RGS7BP: variants seen among roughly 807,000 people sequenced by gnomAD.
RGS7BP encodes the protein regulator of G protein signaling 7 binding protein.
RGS7BP carries 9 observed loss-of-function variants against 31.3 expected under a neutral mutation model. The observed-to-expected ratio is 0.29, with a 90% CI of 0.17 to 0.50. RGS7BP has a LOEUF of 0.50. RGS7BP is among the 20% of genes least tolerant of loss of function. The pLI, the probability that RGS7BP is intolerant of heterozygous loss-of-function variation, is 0.98. For missense variants in RGS7BP, 274 were observed against 322.0 expected (o/e 0.85, Z 1.14); for synonymous variants, 115 against 120.1 (o/e 0.96, Z 0.28).
chr5:64,574,379 G>A (rs1742369376), intron 2 of RGS7BP, among the ~76,000 whole-genome samples: 1 of 151,810 alleles, frequency 6.6e-6, no homozygotes, highest in Non-Finnish European at 1.5e-5. Context: ...GAGAGTGGAA[G>A]GCATCTATGG....
chr5:64,523,734 C>T (rs1461523278), intron 2 of RGS7BP, among the ~76,000 whole-genome samples: 1 of 152,082 alleles, frequency 6.6e-6, no homozygotes, highest in African/African-American at 2.4e-5. Context: ...TTAATGAAGA[C>T]CAAATCTTTT....
At chr5:64,542,618 G>A (rs570406317) in intron 2 of RGS7BP, among the ~76,000 whole-genome samples, 1 of 152,236 alleles carries the variant, frequency 6.6e-6, no homozygotes, top group South Asian at 2.1e-4. Context: ...CCCTGGTTGA[G>A]GTCAACCATT....
At position 64,547,057 on chromosome 5, in the gene RGS7BP, T is replaced by G. The variant is rs937155093; in HGVS notation, c.333-28717T>G. ...TCAGCATATCTGTGAGATTCATCCA[T>G]GTGTTGCAAGTAGCAGTAGTTTTCT... On this transcript the variant is annotated intron_variant, in intron 2 of 5. Transcript: ENST00000334025. Among the ~76,000 whole-genome samples, 5 of 152,228 alleles carry G rather than the reference T, an allele frequency of 3.3e-5. No homozygotes were observed. The East Asian group carries it at 9.6e-4, about 29-fold the overall frequency.
chr5:64,513,866 A>C (rs1483112947), intron 2 of RGS7BP, among the ~76,000 whole-genome samples: 10 of 152,268 alleles, frequency 6.6e-5, no homozygotes, highest in Non-Finnish European at 7.3e-5. Flanking sequence ...TATACTATCC[A>C]TAAAGATAAC....
chr5:64,602,886 G>T (rs1326953302), intron 5 of RGS7BP, among the ~76,000 whole-genome samples: 1 of 152,212 alleles, frequency 6.6e-6, no homozygotes, highest in Non-Finnish European at 1.5e-5. Context: ...TCTGTGCTGA[G>T]AATTTTTAGG....
intron 2 of RGS7BP, among the ~76,000 whole-genome samples, chr5:64,567,835 T>C (rs1462567363): frequency 1.3e-5 from 2 of 151,922 alleles, no homozygotes; most frequent in Non-Finnish European, 2.9e-5. Flanking sequence ...CATACTGCAA[T>C]GAATGACCCA....
At chr5:64,561,084 C>A (rs948595928) in intron 2 of RGS7BP, among the ~76,000 whole-genome samples, 5 of 152,128 alleles carry the variant, frequency 3.3e-5, no homozygotes, top group Non-Finnish European at 7.4e-5. Flanking sequence ...TTCTTGTTTG[C>A]AGTTTTCCCC....
chr5:64,527,221 A>C lies in RGS7BP; in HGVS notation c.332+19344A>C, dbSNP rs550845816. Among the ~76,000 whole-genome samples, 77 of 152,334 alleles carry C rather than the reference A, an allele frequency of 5.1e-4. 1 individual carries two copies. The South Asian group carries it at 0.016, about 32-fold the overall frequency. On this transcript the variant is annotated intron_variant, in intron 2 of 5. Coordinates refer to ENST00000334025, the MANE Select transcript of RGS7BP (RefSeq NM_001029875.3). ...CAGCTCTCTGTGAAGTCTTGATTCC[A>C]GCAGCTGCCTGCCTGGTATAGAGCA...
intron 2 of RGS7BP, among the ~76,000 whole-genome samples, chr5:64,540,283 A>G (rs1209212049): frequency 1.3e-5 from 2 of 152,194 alleles, no homozygotes; most frequent in Non-Finnish European, 2.9e-5. Flanking sequence ...GTCTACATAC[A>G]TATTTTAATA....
intron 2 of RGS7BP, among the ~76,000 whole-genome samples, chr5:64,551,731 C>A (rs1297457480): frequency 6.6e-6 from 1 of 152,064 alleles, no homozygotes; most frequent in Non-Finnish European, 1.5e-5. Flanking sequence ...GTTGAAATTT[C>A]TTTCTTTCCT....
At chr5:64,516,749 C>A (rs773785235) in intron 2 of RGS7BP, among the ~76,000 whole-genome samples, 42 of 152,102 alleles carry the variant, frequency 2.8e-4, no homozygotes, top group Non-Finnish European at 4.9e-4. Flanking sequence ...GTTGAACATG[C>A]AACATATGAG....
intron 2 of RGS7BP, among the ~76,000 whole-genome samples, chr5:64,544,665 C>A (rs1418936098): frequency 2.6e-5 from 4 of 151,204 alleles, no homozygotes; most frequent in Non-Finnish European, 5.9e-5. Context: ...CCAAGCGAGA[C>A]CCTGTCTCTT....
chr5:64,578,132 G>A (rs570264694), intron 3 of RGS7BP, among the ~76,000 whole-genome samples: 4 of 152,262 alleles, frequency 2.6e-5, no homozygotes, highest in East Asian at 1.9e-4. Context: ...GTCATTTCAC[G>A]CAAATGAAAT....
intron 3 of RGS7BP, among the ~76,000 whole-genome samples, chr5:64,588,547 C>A (rs986321360): frequency 2.6e-5 from 4 of 152,144 alleles, no homozygotes; most frequent in African/African-American, 9.7e-5. Context: ...CTCAAAAAAA[C>A]CAGCACAAAT....
At chr5:64,554,305 G>C (rs1741870088) in intron 2 of RGS7BP, among the ~76,000 whole-genome samples, 1 of 152,146 alleles carries the variant, frequency 6.6e-6, no homozygotes, top group Non-Finnish European at 1.5e-5. Flanking sequence ...TCAGGTGCCA[G>C]GAACCTCTTC....
chr5:64,580,818 G>C (rs1742577344), intron 3 of RGS7BP, among the ~76,000 whole-genome samples: 1 of 152,120 alleles, frequency 6.6e-6, no homozygotes, highest in African/African-American at 2.4e-5. Context: ...AAATAAAATA[G>C]TCCCCAGAGT....
At chr5:64,596,257 G>A (rs1743065028) in intron 4 of RGS7BP, among the ~76,000 whole-genome samples, 6 of 152,212 alleles carry the variant, frequency 3.9e-5, no homozygotes, top group African/African-American at 1.4e-4. Flanking sequence ...CAAAGGAGAT[G>A]GAGGTGGGCA....
At chr5:64,567,402 A>G (rs1049461502) in intron 2 of RGS7BP, among the ~76,000 whole-genome samples, 2 of 152,172 alleles carry the variant, frequency 1.3e-5, no homozygotes, top group Admixed American at 1.3e-4. Flanking sequence ...GTTAAATGAG[A>G]TGATAGAATA....
chr5:64,506,484 C>G lies in RGS7BP; in HGVS notation c.-141C>G. On this transcript the variant is annotated 5_prime_UTR_variant, in exon 1 of 6. Coordinates refer to ENST00000334025, the MANE Select transcript of RGS7BP (RefSeq NM_001029875.3). The surrounding 1 kb of genome is among the most constrained non-coding windows in gnomAD (Gnocchi z 4.6). ...TCCTTCAAGCTGAAGGTTACCGACC[C>G]GCGCAGCCAGCCCCAGCACTGTGAG... The G allele has an allele frequency of 1.7e-6, 1 of 593,766 alleles. No homozygotes were observed. Among genetic ancestry groups the G allele is most frequent in the Non-Finnish European group, 2.8e-6 (1 of 357,750 alleles). 36.8% of individuals were successfully genotyped at this position (593,766 alleles called of 1,614,324 possible).
Sources: gnomAD v4.1 joint callset for allele counts (sites outside exome capture counted in the v4.1 genomes callset) on GRCh38, gnomAD v4.1.1 for gene constraint, Gnocchi (gnomAD v3.1) non-coding constraint, MANE v1.5 for transcripts, NCBI Gene and HGNC (gene_info 2026-07-23, HGNC 2026-07-21) for gene names.